Variants in ACSS2 observed in about 807,000 individuals in gnomAD.
ACSS2 encodes acetyl-coenzyme A synthetase, cytoplasmic.
ACSS2 carries 58 observed loss-of-function variants against 90.6 expected under a neutral mutation model. The ratio of observed to expected loss-of-function variants is 0.64; its 90% CI spans 0.52 to 0.80. ACSS2 has a LOEUF of 0.80. Ranked by LOEUF, ACSS2 falls within the 30% of genes least tolerant of loss-of-function variation. The pLI is 0.00. For missense variants in ACSS2, 759 were observed against 912.0 expected (o/e 0.83, Z 2.16); for synonymous variants, 300 against 330.9 (o/e 0.91, Z 1.01).
chr20:34,913,736 T>C lies in ACSS2; in HGVS notation c.571-17T>C. 2 of 1,613,010 alleles carry C rather than the reference T, an allele frequency of 1.2e-6. No individual in the cohort carries two copies. The highest frequency in any genetic ancestry group is 1.7e-6 in the Non-Finnish European group (2 of 1,178,966). On this transcript the variant is annotated splice_polypyrimidine_tract_variant and intron_variant, in intron 4 of 17. Coordinates refer to ENST00000360596, the MANE Select transcript of ACSS2 (RefSeq NM_018677.4). ...TGGGGCTTTCTTCTCTCCCTCAGAC[T>C]TTCTTCCCTTCCCTAGTTTGCAGGC...
At chr20:34,913,866 C>CTCAA in intron 5 of ACSS2, 41 bp downstream of exon 5, 1 of 1,590,210 alleles carries the variant, frequency 6.3e-7, no homozygotes, top group Non-Finnish European at 8.6e-7. Context: ...CCCCCCATAC[C>CTCAA]TCAAGCCTTG....
intron 1 of ACSS2, 128 bp downstream of exon 1, chr20:34,876,951 T>C (rs2079929723): frequency 1.8e-6 from 1 of 566,404 alleles, no homozygotes; most frequent in African/African-American, 1.9e-5. Context: ...GAAGGAAGAA[T>C]TGCGGTTCTT....
intron 2 of ACSS2, among the ~76,000 whole-genome samples, chr20:34,883,412 A>G (rs1368439406): frequency 2.6e-5 from 4 of 152,252 alleles, no homozygotes; most frequent in Admixed American, 1.3e-4. Context: ...TTTGATGCTT[A>G]TAATAATTAT....
chr20:34,896,384 G>T (rs1467366767), intron 2 of ACSS2, among the ~76,000 whole-genome samples: 3 of 152,158 alleles, frequency 2.0e-5, no homozygotes, highest in Non-Finnish European at 4.4e-5. Flanking sequence ...TTCTTGACAT[G>T]ATTCCAAAAT....
chr20:34,903,882 A>C (rs1201810612), intron 2 of ACSS2, among the ~76,000 whole-genome samples: 114 of 150,690 alleles, frequency 7.6e-4, no homozygotes, highest in Middle Eastern at 6.8e-3. Context: ...AAAAAAAAAA[A>C]AAAAAAAAAA....
chr20:34,904,436 G>A (rs1476373304), intron 2 of ACSS2, among the ~76,000 whole-genome samples: 1 of 152,042 alleles, frequency 6.6e-6, no homozygotes, highest in Non-Finnish European at 1.5e-5. Context: ...AGAGGGAAAG[G>A]GAGAGGAAGA....
At position 34,921,351 on chromosome 20, in the gene ACSS2, G is replaced by C. The variant is rs745995258; in HGVS notation, c.1299G>C (p.Gln433His). 2 of 1,614,232 alleles carry C rather than the reference G, an allele frequency of 1.2e-6. No individual in the cohort carries two copies. The highest frequency in any genetic ancestry group is 3.3e-5 in the Admixed American group (2 of 60,036). The change falls in exon 11 of 18, where the codon CAG (glutamine) becomes CAC (histidine). Residue 433 changes from glutamine (Q) to histidine (H), a missense_variant. Coordinates refer to ENST00000360596, the MANE Select transcript of ACSS2 (RefSeq NM_018677.4). ...CCAGGCATAGCCGGGCATCCTTGCA[G>C]GTGTTAGGCACAGTGGGTGAACCCA... ...PVTKHSRASL[Q>H]VLGTVGEPIN...
chr20:34,897,197 TTA>T (rs1192628903), intron 2 of ACSS2, among the ~76,000 whole-genome samples: 1 of 152,224 alleles, frequency 6.6e-6, no homozygotes, highest in Non-Finnish European at 1.5e-5. Flanking sequence ...AAAATTGCAA[TTA>T]TATTTTTTAT....
At chr20:34,879,169 G>T (rs933056688) in intron 1 of ACSS2, among the ~76,000 whole-genome samples, 12 of 151,924 alleles carry the variant, frequency 7.9e-5, no homozygotes, top group Non-Finnish European at 1.6e-4. Context: ...CTCCCAAAGT[G>T]CTGGGATTAC....
Position 34,925,769 on chromosome 20 carries a change from G to T in ACSS2, c.1726+3G>T, listed in dbSNP as rs374514864. ...TGATGACATGCTCAATGTATCTGGT[G>T]AGGGCCAGGGGCCACCTTCCCATCT... On this transcript the variant is annotated splice_donor_region_variant and intron_variant, in intron 15 of 17. Coordinates refer to ENST00000360596, the MANE Select transcript of ACSS2 (RefSeq NM_018677.4). The T allele has an allele frequency of 1.2e-4, 186 of 1,612,172 alleles. No homozygotes were observed. The highest frequency in any genetic ancestry group is 1.5e-4 in the Non-Finnish European group (174 of 1,179,300).
intron 2 of ACSS2, among the ~76,000 whole-genome samples, chr20:34,911,172 C>T (rs185282905): frequency 8.6e-4 from 126 of 146,474 alleles, no homozygotes; most frequent in South Asian, 2.2e-3. Context: ...TGCATGACAC[C>T]ACACTCAGCT....
At chr20:34,908,290 A>G (rs1270648725) in intron 2 of ACSS2, among the ~76,000 whole-genome samples, 3 of 152,226 alleles carry the variant, frequency 2.0e-5, no homozygotes, top group Non-Finnish European at 4.4e-5. Flanking sequence ...ACTATTGCCT[A>G]CAAGGCTCTA....
intron 14 of ACSS2, 68 bp from the exon 15 acceptor site, chr20:34,925,630 G>T: frequency 6.6e-7 from 1 of 1,516,526 alleles, no homozygotes; most frequent in Non-Finnish European, 9.0e-7. Context: ...AGGTGTAGCA[G>T]TTTGGTAATG....
upstream of ACSS2, among the ~76,000 whole-genome samples, chr20:34,875,519 A>G (rs2079887191): frequency 6.6e-6 from 1 of 152,226 alleles, no homozygotes; most frequent in Non-Finnish European, 1.5e-5. Flanking sequence ...CAGTCAGCCG[A>G]GATTGTGCCA....
At chr20:34,903,140 G>A (rs935982255) in intron 2 of ACSS2, among the ~76,000 whole-genome samples, 1 of 151,884 alleles carries the variant, frequency 6.6e-6, no homozygotes, top group African/African-American at 2.4e-5. Flanking sequence ...TCAGGAGTTC[G>A]AGACCAGACT....
chr20:34,921,155 A>T lies in ACSS2; in HGVS notation c.1277+16A>T. ...CTGTCACCAAGTGAGACCTCTTCCC[A>T]GTTGCTGCCCTGTGGGTATCCCTCA... On this transcript the variant is annotated intron_variant, in intron 10 of 17. Transcript: ENST00000360596. 1 of 1,614,118 alleles carries T rather than the reference A, an allele frequency of 6.2e-7. No individual in the cohort carries two copies. The highest frequency in any genetic ancestry group is 8.5e-7 in the Non-Finnish European group (1 of 1,180,026).
At chr20:34,903,759 G>T (rs555652605) in intron 2 of ACSS2, among the ~76,000 whole-genome samples, 1 of 151,888 alleles carries the variant, frequency 6.6e-6, no homozygotes, top group South Asian at 2.1e-4. Flanking sequence ...GAGGGGAGCT[G>T]GGTGCAGTGG....
chr20:34,923,495 C>T, intron 14 of ACSS2, 64 bp downstream of exon 14: 1 of 1,184,094 alleles, frequency 8.4e-7, no homozygotes. Flanking sequence ...CTTCCATTTT[C>T]AGGAAGAGTT....
intron 9 of ACSS2, 105 bp downstream of exon 9, chr20:34,920,814 T>C: frequency 6.8e-7 from 1 of 1,474,062 alleles, no homozygotes; most frequent in Non-Finnish European, 9.2e-7. Context: ...TATACAATCA[T>C]CTGTTTTCTG....
Sources: allele counts gnomAD v4.1 joint callset (sites outside exome capture counted in the v4.1 genomes callset), GRCh38; gene constraint gnomAD v4.1.1; transcripts MANE v1.5; gene names NCBI Gene and HGNC (gene_info 2026-07-23, HGNC 2026-07-21).